The following CCNG2 variants were observed in gnomAD, a reference collection of about 807,000 sequenced individuals.
The protein encoded by CCNG2 is cyclin-G2.
Under a neutral mutation model 36.5 loss-of-function variants are expected in CCNG2, and 20 were observed. The observed-to-expected ratio is 0.55, with a 90% confidence interval of 0.39 to 0.80. The LOEUF (loss-of-function observed/expected upper bound fraction) is 0.80, where lower values mean the gene tolerates loss of function less well. Ranked by LOEUF, CCNG2 falls within the 30% of genes least tolerant of loss-of-function variation. The probability of loss-of-function intolerance (pLI) is 0.00; values close to 1 mark genes in which losing one functional copy is unlikely to be tolerated. For missense variants in CCNG2, 358 were observed against 390.8 expected (o/e 0.92, Z 0.71); for synonymous variants, 155 against 140.1 (o/e 1.11, Z -0.75).
chr4:77,165,936 T>C lies in CCNG2; in HGVS notation c.*12T>C. Reference sequence around the variant, plus strand: ...GCTTTCCATCTTAGAAATCTGATTGTTCTGTCAGAATTTATATTTACAGGT... The same window carrying C: ...GCTTTCCATCTTAGAAATCTGATTGCTCTGTCAGAATTTATATTTACAGGT... On this transcript the variant is annotated 3_prime_UTR_variant, in exon 8 of 8. Transcript: ENST00000316355. 1 of 1,590,356 alleles carries C rather than the reference T, an allele frequency of 6.3e-7. No homozygotes were observed. The highest frequency in any genetic ancestry group is 8.5e-7 in the Non-Finnish European group (1 of 1,172,708).
intron 3 of CCNG2, 148 bp downstream of exon 3, chr4:77,159,652 TAAG>T (rs1193823977): frequency 1.4e-6 from 1 of 738,454 alleles, no homozygotes; most frequent in African/African-American, 1.8e-5. Flanking sequence ...AGTGCCAGAA[TAAG>T]ACTACAAGAT....
intron 4 of CCNG2, among the ~76,000 whole-genome samples, chr4:77,161,217 G>A (rs376474791): frequency 6.7e-6 from 1 of 148,638 alleles, no homozygotes; most frequent in South Asian, 2.1e-4. Flanking sequence ...ATTCTCCTGC[G>A]TCAGCCTCCC....
chr4:77,161,912 G>A (rs1366140334), intron 6 of CCNG2, among the ~76,000 whole-genome samples, 165 bp downstream of exon 6: 1 of 152,116 alleles, frequency 6.6e-6, no homozygotes, highest in Non-Finnish European at 1.5e-5. Flanking sequence ...CTTTGACCCA[G>A]ACAGTATTAA....
chr4:77,163,305 G>A (rs1577907095), intron 6 of CCNG2, among the ~76,000 whole-genome samples: 3 of 152,092 alleles, frequency 2.0e-5, no homozygotes, highest in African/African-American at 7.2e-5. Context: ...ACTGGAAGGA[G>A]GTTTTTAAGG....
chr4:77,169,334 G>A lies in CCNG2; in HGVS notation c.*3410G>A, dbSNP rs1244000242. On this transcript the variant is annotated 3_prime_UTR_variant, in exon 8 of 8. Transcript: ENST00000316355. The stretch of plus-strand genomic sequence containing the variant: ...TATATGGACAAGGACAAGGTATTTT[G>A]CATTTGTTACTGGAATTCAGTTTTC... 6.6e-6 allele frequency: 1 copy of A among 152,134 alleles called. No individual in the cohort carries two copies. The highest frequency in any genetic ancestry group is 2.4e-5 in the African/African-American group (1 of 41,430). The allele number at this position is 152,134 out of a possible 1,614,324, so 9.4% of individuals were successfully genotyped here.
chr4:77,159,053 TTC>T (rs1051014030), intron 2 of CCNG2, among the ~76,000 whole-genome samples: 1 of 152,236 alleles, frequency 6.6e-6, no homozygotes, highest in Non-Finnish European at 1.5e-5. Flanking sequence ...AAAGAACCCT[TTC>T]TCTCCATTCC....
intron 1 of CCNG2, among the ~76,000 whole-genome samples, chr4:77,157,862 T>C (rs1731307663): frequency 6.6e-6 from 1 of 151,986 alleles, no homozygotes; most frequent in Admixed American, 6.5e-5. Flanking sequence ...ACGGGTGTTG[T>C]CCCTACGGGC....
At chr4:77,163,920 A>G (rs892343245) in intron 6 of CCNG2, among the ~76,000 whole-genome samples, 2 of 152,254 alleles carry the variant, frequency 1.3e-5, no homozygotes, top group African/African-American at 4.8e-5. Context: ...TATACTTGAT[A>G]GCTGATTTAT....
At chr4:77,165,641 G>GAAT (rs1434850875) in intron 7 of CCNG2, among the ~76,000 whole-genome samples, 160 bp from the exon 8 acceptor site, 1 of 152,080 alleles carries the variant, frequency 6.6e-6, no homozygotes. Flanking sequence ...GATTACTATA[G>GAAT]ACTTCATTTA....
intron 4 of CCNG2, 143 bp from the exon 5 acceptor site, chr4:77,161,337 G>A (rs1241456475): frequency 6.4e-6 from 4 of 625,174 alleles, no homozygotes; most frequent in Non-Finnish European, 1.1e-5. Flanking sequence ...CCTGACCTTA[G>A]GTGATCCACC....
intron 3 of CCNG2, 126 bp from the exon 4 acceptor site, chr4:77,160,595 C>T: frequency 2.3e-6 from 2 of 867,382 alleles, no homozygotes; most frequent in East Asian, 2.5e-5. Context: ...GGTAAAGAGC[C>T]AGTACATATA....
intron 1 of CCNG2, among the ~76,000 whole-genome samples, chr4:77,158,094 T>G (rs1314350008): frequency 3.3e-5 from 5 of 151,944 alleles, no homozygotes; most frequent in Non-Finnish European, 7.4e-5. Flanking sequence ...CCTCCGCTTC[T>G]TTGTTCAGTC....
chr4:77,157,720 G>A (rs1577902324), intron 1 of CCNG2, among the ~76,000 whole-genome samples: 1 of 152,232 alleles, frequency 6.6e-6, no homozygotes, highest in East Asian at 1.9e-4. Context: ...TTGCGACTAG[G>A]TTAAGGGCAG....
intron 3 of CCNG2, among the ~76,000 whole-genome samples, chr4:77,159,715 C>T (rs1356122749): frequency 6.6e-6 from 1 of 152,108 alleles, no homozygotes; most frequent in Non-Finnish European, 1.5e-5. Context: ...TAGGTTTTAC[C>T]TCTTAAGTAC....
intron 6 of CCNG2, among the ~76,000 whole-genome samples, chr4:77,162,663 C>T (rs530152714): frequency 3.3e-5 from 5 of 151,918 alleles, no homozygotes; most frequent in Non-Finnish European, 7.4e-5. Flanking sequence ...GGATTACAGG[C>T]GTGAGCCACT....
intron 6 of CCNG2, among the ~76,000 whole-genome samples, chr4:77,162,414 G>A (rs552835358): frequency 9.2e-6 from 1 of 108,988 alleles, no homozygotes; most frequent in African/African-American, 3.7e-5. Flanking sequence ...AGACAGTCTT[G>A]CTCTGTTGCC....
chr4:77,159,864 T>C (rs1731380918), intron 3 of CCNG2, among the ~76,000 whole-genome samples: 1 of 152,212 alleles, frequency 6.6e-6, no homozygotes, highest in African/African-American at 2.4e-5. Flanking sequence ...GCATGACAAA[T>C]GAAGTATAAC....
intron 7 of CCNG2, 25 bp downstream of exon 7, chr4:77,164,504 A>G (rs1458754309): frequency 1.9e-6 from 3 of 1,550,062 alleles, no homozygotes; most frequent in Admixed American, 1.7e-5. Context: ...TGACTAATTA[A>G]ACTTCCCTAG....
intron 1 of CCNG2, 81 bp from the exon 2 acceptor site, chr4:77,158,452 G>T (rs1176001350): frequency 1.4e-6 from 2 of 1,415,124 alleles, no homozygotes; most frequent in African/African-American, 1.4e-5. Context: ...CTTGCTGGAG[G>T]TACTGGCCTC....
Sources: allele counts gnomAD v4.1 joint callset (sites outside exome capture counted in the v4.1 genomes callset), GRCh38; gene constraint gnomAD v4.1.1; transcripts MANE v1.5; gene names NCBI Gene and HGNC (gene_info 2026-07-23, HGNC 2026-07-21).